LRP1B: variants seen among roughly 807,000 people sequenced by gnomAD.
LRP1B encodes LDL receptor related protein 1B.
LRP1B carries 217 observed loss-of-function variants against 556.6 expected under a neutral mutation model. The observed-to-expected ratio is 0.39, with a 90% CI of 0.35 to 0.44. The LOEUF is 0.44. LRP1B is among the 20% of genes least tolerant of loss of function. The probability of loss-of-function intolerance (pLI) is 1.00; values close to 1 mark genes in which losing one functional copy is unlikely to be tolerated. For synonymous variants in LRP1B, 2,047 were observed against 1,865.8 expected (o/e 1.10, Z -2.50); for missense variants, 5,053 against 5,620.8 (o/e 0.90, Z 3.23).
At position 140,886,225 on chromosome 2, in the gene LRP1B, G is replaced by C; in HGVS notation, c.3877C>G (p.Leu1293Val). The C allele has an allele frequency of 6.2e-7, 1 of 1,608,874 alleles. No individual in the cohort carries two copies. Among genetic ancestry groups the C allele is most frequent in the Non-Finnish European group, 8.5e-7 (1 of 1,175,804 alleles). Reference sequence around the variant, plus strand: ...AAACTTTGATTGAAGTGAAAATCAAGTGCTATTGTGTTTCTCAATCCAGGA... The same window carrying C: ...AAACTTTGATTGAAGTGAAAATCAACTGCTATTGTGTTTCTCAATCCAGGA... Reference protein sequence around the residue: ...LVPGLRNTIALDFHFNQSLLY... With the variant: ...LVPGLRNTIAVDFHFNQSLLY... The change falls in exon 24 of 91, where the codon CTT (leucine) becomes GTT (valine). Residue 1293 changes from leucine (L) to valine (V), a missense_variant. Transcript: ENST00000389484.
At chr2:142,011,109 T>G (rs1380704438) in intron 1 of LRP1B, among the ~76,000 whole-genome samples, 5 of 152,224 alleles carry the variant, frequency 3.3e-5, no homozygotes, top group African/African-American at 9.6e-5. Context: ...TCTGGCTTAC[T>G]TAAGTGTTGA....
chr2:140,716,119 A>T lies in LRP1B; in HGVS notation c.5894-17T>A. 6.4e-7 allele frequency: 1 copy of T among 1,557,460 alleles called. No individual in the cohort carries two copies. The highest frequency in any genetic ancestry group is 1.2e-5 in the South Asian group (1 of 85,482). On this transcript the variant is annotated splice_polypyrimidine_tract_variant and intron_variant, in intron 36 of 90. Coordinates refer to ENST00000389484, the MANE Select transcript of LRP1B (RefSeq NM_018557.3). ...ATATGTTACCTAGGAGAAATAATAG[A>T]GGTGTTTATAATACAGTTTTGAGAA...
chr2:141,626,981 C>T lies in LRP1B; in HGVS notation c.206-146448G>A, dbSNP rs528070862. ...AAATAGCTGAAAACTTATGTGCACA[C>T]AAAAGCCTAAACAAAAATGTTTATC... On this transcript the variant is annotated intron_variant, in intron 2 of 90. Transcript: ENST00000389484. 7.2e-5 allele frequency among the ~76,000 whole-genome samples: 11 copies of T among 152,204 alleles called. No individual in the cohort carries two copies. The South Asian group carries it at 1.7e-3, about 23-fold the overall frequency.
intron 20 of LRP1B, among the ~76,000 whole-genome samples, chr2:140,935,311 C>CA (rs1695170788): frequency 6.6e-6 from 1 of 151,848 alleles, no homozygotes; most frequent in Admixed American, 6.6e-5. Flanking sequence ...AATGAAATAC[C>CA]AAAAGATATT....
At chr2:140,271,204 G>A (rs1373303601) in intron 85 of LRP1B, among the ~76,000 whole-genome samples, 8 of 151,920 alleles carry the variant, frequency 5.3e-5, no homozygotes, top group Admixed American at 5.3e-4. Flanking sequence ...ATGCAGAAAT[G>A]TGCATCAACA....
intron 25 of LRP1B, among the ~76,000 whole-genome samples, chr2:140,881,216 A>C (rs956171638): frequency 6.6e-6 from 1 of 150,862 alleles, no homozygotes; most frequent in African/African-American, 2.4e-5. Flanking sequence ...TTATATTTCA[A>C]TGTTGCTTTT....
chr2:141,108,218 C>T (rs1431970580), intron 7 of LRP1B, among the ~76,000 whole-genome samples: 1 of 150,936 alleles, frequency 6.6e-6, no homozygotes, highest in East Asian at 1.9e-4. Context: ...ATAACAACAA[C>T]AATCCAGAAT....
At chr2:141,920,600 A>G (rs1427744892) in intron 1 of LRP1B, among the ~76,000 whole-genome samples, 2 of 151,990 alleles carry the variant, frequency 1.3e-5, no homozygotes, top group Non-Finnish European at 2.9e-5. Context: ...TGAATGAACA[A>G]AGTTGAAGTT....
intron 3 of LRP1B, among the ~76,000 whole-genome samples, chr2:141,475,525 C>T (rs1013621404): frequency 1.3e-5 from 2 of 152,016 alleles, no homozygotes; most frequent in African/African-American, 4.8e-5. Flanking sequence ...CAGCAAAGGC[C>T]CCATCCTCAA....
At chr2:142,100,181 G>T (rs142782077) in intron 1 of LRP1B, among the ~76,000 whole-genome samples, 2 of 151,884 alleles carry the variant, frequency 1.3e-5, no homozygotes, top group East Asian at 1.9e-4. Flanking sequence ...TTAGATCTAC[G>T]TTTGAAACCT....
intron 2 of LRP1B, among the ~76,000 whole-genome samples, chr2:141,641,701 C>T (rs1282937852): frequency 1.3e-5 from 2 of 152,036 alleles, no homozygotes; most frequent in Non-Finnish European, 2.9e-5. Flanking sequence ...TCTAATATTA[C>T]CAGACTGCAA....
chr2:141,009,150 C>G (rs571913801), intron 14 of LRP1B, among the ~76,000 whole-genome samples: 1 of 151,340 alleles, frequency 6.6e-6, no homozygotes, highest in East Asian at 2.0e-4. Flanking sequence ...TGAGAATTCT[C>G]TGCAGTTAAT....
Position 141,645,032 on chromosome 2 carries a change from C to T in LRP1B, c.206-164499G>A, listed in dbSNP as rs959305334. Among the ~76,000 whole-genome samples, 9 of 152,132 alleles carry T rather than the reference C, an allele frequency of 5.9e-5. No homozygotes were observed. The South Asian group carries it at 8.3e-4, about 14-fold the overall frequency. Reference sequence around the variant, plus strand: ...CTGTCTAGAGGAGACAATATTCAAGCTGATGATATAATGACTACTTTTCTA... The same window carrying T: ...CTGTCTAGAGGAGACAATATTCAAGTTGATGATATAATGACTACTTTTCTA... On this transcript the variant is annotated intron_variant, in intron 2 of 90. Coordinates refer to ENST00000389484, the MANE Select transcript of LRP1B (RefSeq NM_018557.3).
At chr2:141,704,829 T>C (rs1692078716) in intron 2 of LRP1B, among the ~76,000 whole-genome samples, 1 of 151,990 alleles carries the variant, frequency 6.6e-6, no homozygotes. Context: ...TATTTCAGGC[T>C]GTTCATATGA....
intron 14 of LRP1B, 103 bp from the exon 15 acceptor site, chr2:141,005,560 T>C: frequency 1.1e-6 from 1 of 927,072 alleles, no homozygotes; most frequent in Non-Finnish European, 1.5e-6. Context: ...GCTATGTATA[T>C]TATATATTTA....
intron 72 of LRP1B, 22 bp from the exon 73 acceptor site, chr2:140,358,968 CAAAG>C (rs754526152): frequency 8.7e-6 from 14 of 1,600,588 alleles, no homozygotes; most frequent in South Asian, 1.1e-5. Context: ...GAAGAAAAAA[CAAAG>C]AAGCTCCTTC....
At position 142,009,269 on chromosome 2, in the gene LRP1B, A is replaced by T. The variant is rs541048175; in HGVS notation, c.82+121379T>A. Among the ~76,000 whole-genome samples the T allele has an allele frequency of 5.3e-5, 8 of 152,288 alleles. No homozygotes were observed. The South Asian group carries it at 1.7e-3, about 32-fold the overall frequency. ...CATGGAAATAAGAGCAAATGAGATG[A>T]TAATGTCAAACTGGAGAGTTTGAGC... is the stretch of plus-strand genomic sequence containing the variant. On this transcript the variant is annotated intron_variant, in intron 1 of 90. Coordinates refer to ENST00000389484, the MANE Select transcript of LRP1B (RefSeq NM_018557.3).
intron 3 of LRP1B, among the ~76,000 whole-genome samples, chr2:141,328,980 T>C (rs919143295): frequency 4.6e-5 from 7 of 152,184 alleles, no homozygotes; most frequent in African/African-American, 7.2e-5. Flanking sequence ...AGCTTCTTTA[T>C]TAGCAATACA....
intron 1 of LRP1B, among the ~76,000 whole-genome samples, chr2:142,099,959 G>A (rs1706513201): frequency 6.6e-6 from 1 of 151,880 alleles, no homozygotes; most frequent in Admixed American, 6.6e-5. Flanking sequence ...GTGTTAGAAA[G>A]ATGTCAATTG....
Sources: gnomAD v4.1 joint callset for allele counts (sites outside exome capture counted in the v4.1 genomes callset) on GRCh38, gnomAD v4.1.1 for gene constraint, MANE v1.5 for transcripts, NCBI Gene and HGNC (gene_info 2026-07-23, HGNC 2026-07-21) for gene names.